Variants in MTA3 observed in about 807,000 individuals in gnomAD.
The protein encoded by MTA3 is metastasis associated 1 family member 3.
MTA3 carries 34 observed loss-of-function variants against 83.5 expected under a neutral mutation model. The ratio of observed to expected loss-of-function variants is 0.41; its 90% CI spans 0.31 to 0.54. The LOEUF is 0.54. Ranked by LOEUF, MTA3 falls within the 20% of genes least tolerant of loss-of-function variation. The pLI is 0.33. For missense variants in MTA3, 761 were observed against 726.4 expected, an observed-to-expected ratio of 1.05 and a Z score of -0.55; for synonymous variants, 303 against 252.7, an observed-to-expected ratio of 1.20 and a Z score of -1.89.
At position 42,754,816 on chromosome 2, in the gene MTA3, G is replaced by A. The variant is rs1222888738; in HGVS notation, c.*1417G>A. The A allele has an allele frequency of 1.0e-6, 1 of 985,544 alleles. No homozygotes were observed. Among genetic ancestry groups the A allele is most frequent in the African/African-American group, 1.7e-5 (1 of 57,370 alleles). The allele number at this position is 985,544 out of a possible 1,614,324, so 61.0% of individuals were successfully genotyped here. On this transcript the variant is annotated 3_prime_UTR_variant, in exon 17 of 17. Transcript: ENST00000405094. ...GAGGTAACTTGGTAAGGATAATGAT[G>A]CTGTAGATGTCTGTGTCCTCGGAGG... is the stretch of plus-strand genomic sequence containing the variant.
chr2:42,672,812 A>C (rs940074047), intron 8 of MTA3, among the ~76,000 whole-genome samples: 1 of 151,258 alleles, frequency 6.6e-6, no homozygotes, highest in African/African-American at 2.4e-5. Flanking sequence ...GCAAAAATTG[A>C]AAGTAGATGG....
chr2:42,545,114 A>T (rs900842251), intron 2 of MTA3, among the ~76,000 whole-genome samples: 1 of 152,206 alleles, frequency 6.6e-6, no homozygotes, highest in African/African-American at 2.4e-5. Context: ...GTGGTTGCTC[A>T]TGCTTGTAAT....
chr2:42,682,470 C>T lies in MTA3; in HGVS notation c.772C>T (p.Leu258Phe). ...CAGTGCCATTAGTGTCTTAGTACCACTCGGAGGACCTGTTTTATGCAGAGA... is the reference window on the plus strand; with the variant it reads ...CAGTGCCATTAGTGTCTTAGTACCATTCGGAGGACCTGTTTTATGCAGAGA... The part of the protein sequence containing the change: ...LSSAISVLVP[L>F]GGPVLCRDEM... Residue 258 changes from leucine (L) to phenylalanine (F), a missense_variant, in exon 9 of 17, where the codon CTC (leucine) becomes TTC (phenylalanine). Coordinates refer to ENST00000405094, the MANE Select transcript of MTA3 (RefSeq NM_001330442.2). 1.2e-6 allele frequency: 2 copies of T among 1,612,328 alleles called. No individual in the cohort carries two copies. The highest frequency in any genetic ancestry group is 1.7e-6 in the Non-Finnish European group (2 of 1,179,214).
At chr2:42,727,063 G>A (rs1038991457) in intron 16 of MTA3, among the ~76,000 whole-genome samples, 4 of 152,154 alleles carry the variant, frequency 2.6e-5, no homozygotes, top group African/African-American at 9.7e-5. Context: ...GGATGTAGTG[G>A]CATGCACCCA....
chr2:42,583,355 A>G (rs1041585097), intron 3 of MTA3, among the ~76,000 whole-genome samples: 1 of 152,230 alleles, frequency 6.6e-6, no homozygotes, highest in African/African-American at 2.4e-5. Flanking sequence ...TGACTAAAAC[A>G]TCAGGTGCAG....
intron 4 of MTA3, among the ~76,000 whole-genome samples, chr2:42,639,063 CTT>C (rs563252870): frequency 1.7e-4 from 23 of 138,680 alleles, no homozygotes; most frequent in Admixed American, 2.2e-4. Flanking sequence ...TTCTTTCTTT[CTT>C]TTTTTTTTTT....
chr2:42,589,319 A>G (rs1317931425), intron 3 of MTA3, among the ~76,000 whole-genome samples: 1 of 152,146 alleles, frequency 6.6e-6, no homozygotes, highest in East Asian at 1.9e-4. Context: ...ACATGATGCA[A>G]ATTTTAATAT....
chr2:42,649,253 C>T (rs1208246346), intron 6 of MTA3, among the ~76,000 whole-genome samples: 5 of 151,930 alleles, frequency 3.3e-5, no homozygotes, highest in South Asian at 2.1e-4. Context: ...AAAAATTAGC[C>T]GAGTGTGGTG....
intron 4 of MTA3, among the ~76,000 whole-genome samples, chr2:42,633,996 T>C (rs76393462): frequency 5.3e-5 from 8 of 152,334 alleles, no homozygotes; most frequent in East Asian, 1.9e-4. Flanking sequence ...ACAGTGATTC[T>C]CAACCGGGAG....
At position 42,586,903 on chromosome 2, in the gene MTA3, G is replaced by T. The variant is rs542879489; in HGVS notation, c.190+7703G>T. On this transcript the variant is annotated intron_variant, in intron 3 of 16. Transcript: ENST00000405094. ...CTGGGTATGGTGGCATGTGCCTATAGTCCCAGCTACTCAGGAGGCTGAGGC... is the reference window on the plus strand; with the variant it reads ...CTGGGTATGGTGGCATGTGCCTATATTCCCAGCTACTCAGGAGGCTGAGGC... 1.5e-4 allele frequency among the ~76,000 whole-genome samples: 23 copies of T among 152,272 alleles called. No individual in the cohort carries two copies. The South Asian group carries it at 4.8e-3, about 32-fold the overall frequency.
intron 2 of MTA3, among the ~76,000 whole-genome samples, chr2:42,553,972 G>A (rs1422926362): frequency 2.0e-5 from 3 of 150,448 alleles, no homozygotes; most frequent in African/African-American, 7.3e-5. Flanking sequence ...GGTGGCTCAC[G>A]CGTGTAATCC....
chr2:42,604,857 C>G (rs1007201509), intron 3 of MTA3, among the ~76,000 whole-genome samples: 3 of 149,130 alleles, frequency 2.0e-5, no homozygotes, highest in Admixed American at 2.0e-4. Flanking sequence ...CCATTTAACC[C>G]TGAGTGGACA....
chr2:42,560,724 G>A (rs1677635479), intron 2 of MTA3, among the ~76,000 whole-genome samples: 1 of 151,638 alleles, frequency 6.6e-6, no homozygotes, highest in African/African-American at 2.4e-5. Context: ...GGCCAACATA[G>A]TAAAACTCCA....
intron 2 of MTA3, among the ~76,000 whole-genome samples, chr2:42,551,182 T>G (rs116175073): frequency 0.012 from 1,848 of 150,796 alleles, 32 homozygotes; most frequent in African/African-American, 0.042. Flanking sequence ...TATTTCTTTT[T>G]TTTTTTTGTT....
intron 2 of MTA3, among the ~76,000 whole-genome samples, chr2:42,572,831 G>A (rs547443908): frequency 6.6e-6 from 1 of 152,200 alleles, no homozygotes; most frequent in African/African-American, 2.4e-5. Context: ...AGGTTCAAGC[G>A]ATTCTACTGT....
intron 16 of MTA3, among the ~76,000 whole-genome samples, chr2:42,743,941 G>GT (rs1295086252): frequency 6.6e-6 from 1 of 152,030 alleles, no homozygotes; most frequent in Non-Finnish European, 1.5e-5. Context: ...AAAGACTGCA[G>GT]TTTTAAAAAA....
intron 2 of MTA3, among the ~76,000 whole-genome samples, chr2:42,531,451 T>TTTTTC: frequency 7.3e-6 from 1 of 136,838 alleles, no homozygotes; most frequent in Non-Finnish European, 1.6e-5. Flanking sequence ...AACTCTTTTT[T>TTTTTC]TTTTTTTTTT....
intron 11 of MTA3, among the ~76,000 whole-genome samples, chr2:42,700,156 T>C (rs1212987393): frequency 6.6e-6 from 1 of 151,438 alleles, no homozygotes; most frequent in Non-Finnish European, 1.5e-5. Flanking sequence ...GCCAAGGAGG[T>C]ACAAGCAGAT....
intron 9 of MTA3, among the ~76,000 whole-genome samples, chr2:42,693,714 G>A (rs1282010451): frequency 1.6e-4 from 24 of 152,214 alleles, no homozygotes; most frequent in Non-Finnish European, 2.9e-5. Context: ...TGAACCTGGG[G>A]ACCCCAAAAG....
Sources: allele counts gnomAD v4.1 joint callset (sites outside exome capture counted in the v4.1 genomes callset), GRCh38; gene constraint gnomAD v4.1.1; transcripts MANE v1.5; gene names NCBI Gene and HGNC (gene_info 2026-07-23, HGNC 2026-07-21).